MYH13: variants seen among roughly 807,000 people sequenced by gnomAD.
MYH13 encodes myosin-13.
In MYH13, 177 loss-of-function variants were observed where a neutral mutation model predicts 232.1. That is an observed-to-expected ratio of 0.76 (90% CI 0.67 to 0.86). MYH13 has a LOEUF of 0.86. Among genes scored for constraint, MYH13 ranks in the 40% least tolerant of loss-of-function variants. The pLI, the probability that MYH13 is intolerant of heterozygous loss-of-function variation, is 0.00. For synonymous variants in MYH13, 884 were observed against 923.5 expected (o/e 0.96, Z 0.78); for missense variants, 2,246 against 2,405.9 (o/e 0.93, Z 1.39).
intron 11 of MYH13, among the ~76,000 whole-genome samples, chr17:10,351,604 C>T (rs955694212): frequency 6.6e-6 from 1 of 152,218 alleles, no homozygotes; most frequent in Non-Finnish European, 1.5e-5. Context: ...CAGGTTTTTC[C>T]AGATTTCTGG....
At chr17:10,345,154 A>C in intron 15 of MYH13, 48 bp downstream of exon 15, 1 of 1,607,292 alleles carries the variant, frequency 6.2e-7, no homozygotes, top group Non-Finnish European at 8.5e-7. Flanking sequence ...CAAGAAGGGG[A>C]GGGCCCCCAA....
At chr17:10,341,738 T>C (rs771769402) in intron 16 of MYH13, among the ~76,000 whole-genome samples, 18 of 152,200 alleles carry the variant, frequency 1.2e-4, no homozygotes, top group South Asian at 4.1e-4. Context: ...TTAGAGTTGA[T>C]GTTATCTCTA....
At chr17:10,331,444 G>A (rs1489647805) in intron 20 of MYH13, among the ~76,000 whole-genome samples, 6 of 152,172 alleles carry the variant, frequency 3.9e-5, no homozygotes, top group African/African-American at 1.4e-4. Context: ...GACCTCCCAA[G>A]AACCTGATGA....
At chr17:10,368,155 C>A (rs531741772) in intron 2 of MYH13, among the ~76,000 whole-genome samples, 4 of 152,268 alleles carry the variant, frequency 2.6e-5, no homozygotes, top group African/African-American at 9.6e-5. Flanking sequence ...AAATTACAAT[C>A]ATCAATATCA....
chr17:10,347,683 A>AGAGAAATG (rs1189079012), intron 12 of MYH13, among the ~76,000 whole-genome samples: 7 of 150,934 alleles, frequency 4.6e-5, no homozygotes, highest in Non-Finnish European at 8.8e-5. Context: ...TCAAAAAGGC[A>AGAGAAATG]GAGAAATGCT....
chr17:10,345,686 A>G (rs989714220), intron 13 of MYH13, 70 bp from the exon 14 acceptor site: 24 of 1,610,198 alleles, frequency 1.5e-5, no homozygotes, highest in African/African-American at 2.7e-5. Context: ...GAAACATATG[A>G]AATTGACTCG....
chr17:10,326,350 C>G (rs1907195618), intron 22 of MYH13, among the ~76,000 whole-genome samples: 1 of 152,140 alleles, frequency 6.6e-6, no homozygotes, highest in South Asian at 2.1e-4. Flanking sequence ...GGAAAATGCT[C>G]TGTATAAAAA....
intron 16 of MYH13, 22 bp from the exon 17 acceptor site, chr17:10,340,423 C>T (rs777486075): frequency 7.5e-6 from 12 of 1,595,572 alleles, no homozygotes; most frequent in East Asian, 6.7e-5. Flanking sequence ...CACAGAAGAG[C>T]GTGTTAGATG....
At chr17:10,353,446 C>G (rs1388636154) in intron 11 of MYH13, among the ~76,000 whole-genome samples, 1 of 152,136 alleles carries the variant, frequency 6.6e-6, no homozygotes, top group Non-Finnish European at 1.5e-5. Context: ...GGACAAGACC[C>G]CTTTTCGCAA....
At chr17:10,342,950 C>T (rs1376168259) in intron 16 of MYH13, among the ~76,000 whole-genome samples, 1 of 151,890 alleles carries the variant, frequency 6.6e-6, no homozygotes, top group Non-Finnish European at 1.5e-5. Flanking sequence ...ATTAGCCGGG[C>T]GTGGTGGCGT....
Position 10,300,915 on chromosome 17 carries a change from C to T in MYH13, c.*36G>A, listed in dbSNP as rs757842301. Reference sequence around the variant, plus strand: ...CTCACACATTTTCCCTCCACTCTCTCGGAGGTGTCCCATGGCAACGAGCAT... The same window carrying T: ...CTCACACATTTTCCCTCCACTCTCTTGGAGGTGTCCCATGGCAACGAGCAT... On this transcript the variant is annotated 3_prime_UTR_variant, in exon 41 of 41. Transcript: ENST00000252172. 74 of 1,607,660 alleles carry T rather than the reference C, an allele frequency of 4.6e-5. No homozygotes were observed. Among genetic ancestry groups the T allele is most frequent in the African/African-American group, 6.7e-5 (5 of 74,492 alleles).
chr17:10,362,016 A>G, intron 5 of MYH13, 102 bp downstream of exon 5: 1 of 1,600,122 alleles, frequency 6.2e-7, no homozygotes, highest in Non-Finnish European at 8.5e-7. Context: ...CTCTCCGAAG[A>G]TCCTTTGATT....
intron 21 of MYH13, among the ~76,000 whole-genome samples, chr17:10,329,957 G>A (rs1172925299): frequency 4.0e-5 from 6 of 151,296 alleles, no homozygotes. Flanking sequence ...CCGAGATTGT[G>A]CCACTGCACT....
Position 10,307,080 on chromosome 17 carries a change from G to GA in MYH13, c.5170-17dup. 1 of 1,613,164 alleles carries GA rather than the reference G, an allele frequency of 6.2e-7. No homozygotes were observed. Among genetic ancestry groups the GA allele is most frequent in the Non-Finnish European group, 8.5e-7 (1 of 1,179,668 alleles). The stretch of plus-strand genomic sequence containing the variant: ...GGCTTGTGTTCTACAAGAAGAATTA[G>GA]ATATCAGGGGTGTGGGTTCTATTGG... On this transcript the variant is annotated splice_polypyrimidine_tract_variant and intron_variant, in intron 35 of 40. Transcript: ENST00000252172.
At chr17:10,322,281 C>T (rs577327879) in intron 23 of MYH13, among the ~76,000 whole-genome samples, 2 of 152,022 alleles carry the variant, frequency 1.3e-5, no homozygotes, top group South Asian at 4.2e-4. Context: ...ACCTGTAGTC[C>T]CAGCTACTCA....
rs1422933595 is a variant in MYH13 at position 10,306,474 on chromosome 17, C to T, written c.5451G>A (p.Gln1817=). The change falls in exon 37 of 41, where the codon CAG becomes CAA. Residue 1817 remains glutamine (Q), a synonymous_variant. Coordinates refer to ENST00000252172, the MANE Select transcript of MYH13 (RefSeq NM_003802.3). This position sits in a 1 kb window ranked among gnomAD's most constrained non-coding sequence, Gnocchi z 4.3. ...AAAACTCTACCCGGTTCTCCAGTTT[C>T]TGGATCTGCTTCTTCCCGCCCTTCA... ...LALKGGKKQI[Q]KLENRVRELE... is the part of the protein sequence containing the mutation. 1 of 1,614,050 alleles carries T rather than the reference C, an allele frequency of 6.2e-7. No homozygotes were observed. The highest frequency in any genetic ancestry group is 1.3e-5 in the African/African-American group (1 of 74,910).
At position 10,343,989 on chromosome 17, in the gene MYH13, T is replaced by A; in HGVS notation, c.1705A>T (p.Lys569Ter). The change falls in exon 16 of 41, where the codon AAG (lysine) becomes TAG (stop). Residue 569 changes from lysine (K) to a stop codon, truncating the protein, a stop_gained. Coordinates refer to ENST00000252172, the MANE Select transcript of MYH13 (RefSeq NM_003802.3). LOFTEE classifies it high-confidence loss of function. ...LGKSNNFQKP[K>*]PAKGKAEAHF... The stretch of plus-strand genomic sequence containing the variant: ...GCCTCAGCCTTGCCTTTGGCAGGCT[T>A]GGGCTTCTGGAAGTTGTTGGATTTT... 1 of 1,614,234 alleles carries A rather than the reference T, an allele frequency of 6.2e-7. No homozygotes were observed. The highest frequency in any genetic ancestry group is 8.5e-7 in the Non-Finnish European group (1 of 1,180,038).
intron 32 of MYH13, 27 bp downstream of exon 32, chr17:10,311,884 C>T (rs1374451040): frequency 6.2e-7 from 1 of 1,613,248 alleles, no homozygotes; most frequent in Non-Finnish European, 8.5e-7. Context: ...GGGGACATAG[C>T]ACACACCAGT....
At chr17:10,359,860 C>T (rs747102511) in intron 7 of MYH13, 100 bp downstream of exon 7, 47 of 1,054,458 alleles carry the variant, frequency 4.5e-5, no homozygotes, top group Non-Finnish European at 6.8e-5. Context: ...TCCTATTTGC[C>T]GTTTCTACTG....
Sources: allele counts gnomAD v4.1 joint callset (sites outside exome capture counted in the v4.1 genomes callset), GRCh38; gene constraint gnomAD v4.1.1; non-coding constraint Gnocchi (gnomAD v3.1); transcripts MANE v1.5; gene names NCBI Gene and HGNC (gene_info 2026-07-23, HGNC 2026-07-21).